CHD7: variants seen among roughly 807,000 people sequenced by gnomAD.
CHD7 encodes the protein chromodomain helicase DNA binding protein 7.
Under a neutral mutation model 307.3 loss-of-function variants are expected in CHD7, and 24 were observed. The ratio of observed to expected loss-of-function variants is 0.08; its 90% CI spans 0.06 to 0.11. CHD7 has a LOEUF of 0.11. CHD7 is among the 10% of genes least tolerant of loss of function. The pLI is 1.00. For synonymous variants in CHD7, 1,363 were observed against 1,349.9 expected (o/e 1.01, Z -0.21); for missense variants, 3,106 against 3,727.1 (o/e 0.83, Z 4.34).
chr8:60,714,409 C>A (rs1807464492), intron 1 of CHD7, among the ~76,000 whole-genome samples: 1 of 3,354 alleles, frequency 3.0e-4, no homozygotes, highest in African/African-American at 7.2e-4. Context: ...GGAGAAGGCC[C>A]CCCCCCCCCC....
Position 60,815,947 on chromosome 8 carries a change from A to T in CHD7, c.2499-440A>T, listed in dbSNP as rs556442961. ...TTTAAATTTGAATTATTTTAACTTG[A>T]TAAAAACCTATTTCTCAATGATAAG... On this transcript the variant is annotated intron_variant, in intron 7 of 37. Transcript: ENST00000423902. Among the ~76,000 whole-genome samples the T allele has an allele frequency of 2.6e-5, 4 of 152,332 alleles. No homozygotes were observed. The South Asian group carries it at 8.3e-4, about 32-fold the overall frequency.
chr8:60,866,050 C>CAA lies in CHD7; in HGVS notation c.*126_*127dup. 1.6e-5 allele frequency: 13 copies of CAA among 822,860 alleles called. No homozygotes were observed. Among genetic ancestry groups the CAA allele is most frequent in the Admixed American group, 6.1e-5 (2 of 32,682 alleles). 51.0% of individuals were successfully genotyped at this position (822,860 alleles called of 1,614,324 possible). A position where few individuals can be genotyped will look rare whatever the true frequency, so the allele number is the denominator to read the frequency against. The stretch of plus-strand genomic sequence containing the variant: ...TAAGCTGTTCTGTAACATAGTGTAG[C>CAA]AAAAAAAAAAGTTCAAGTCATGTTA... On this transcript the variant is annotated 3_prime_UTR_variant, in exon 38 of 38. Coordinates refer to ENST00000423902, the MANE Select transcript of CHD7 (RefSeq NM_017780.4).
chr8:60,738,119 A>G (rs1808798986), intron 1 of CHD7, among the ~76,000 whole-genome samples: 1 of 152,162 alleles, frequency 6.6e-6, no homozygotes, highest in Non-Finnish European at 1.5e-5. Flanking sequence ...TCTTCTTTTT[A>G]AATACTTTAT....
rs112949179 is a variant in CHD7, at chr8:60,836,751, TA to T, written c.3990-59del. 6.0e-3 allele frequency: 7,110 copies of T among 1,176,196 alleles called. 74 individuals carry two copies. Among genetic ancestry groups the T allele is most frequent in the South Asian group, 0.028 (1,982 of 70,138 alleles). The allele number at this position is 1,176,196 out of a possible 1,614,324, so 72.9% of individuals were successfully genotyped here. A position where few individuals can be genotyped will look rare whatever the true frequency, so the allele number is the denominator to read the frequency against. ...ATTCCATATTGTAATAATTAAAAATTAAAAAAAGGAGCAAGTATGTTGTCGC... is the reference window on the plus strand; with the variant it reads ...ATTCCATATTGTAATAATTAAAAATTAAAAAAGGAGCAAGTATGTTGTCGC... On this transcript the variant is annotated intron_variant, in intron 16 of 37. Coordinates refer to ENST00000423902, the MANE Select transcript of CHD7 (RefSeq NM_017780.4).
intron 2 of CHD7, among the ~76,000 whole-genome samples, chr8:60,755,967 A>G (rs759391915): frequency 1.3e-5 from 2 of 152,212 alleles, no homozygotes; most frequent in Non-Finnish European, 2.9e-5. Context: ...AAAATGTTCT[A>G]TATTTGCTCA....
rs1804767506 is a variant in CHD7 at position 60,836,875 on chromosome 8, G to A, written c.4048G>A (p.Asp1350Asn). The A allele has an allele frequency of 1.9e-6, 3 of 1,613,826 alleles. No individual in the cohort carries two copies. The highest frequency in any genetic ancestry group is 1.3e-5 in the African/African-American group (1 of 75,006). Reference sequence around the variant, plus strand: ...AGGCAACCTCCGCCAGGCAGCTATCGACAGATTCTCCAAACCTGATTCTGA... The same window carrying A: ...AGGCAACCTCCGCCAGGCAGCTATCAACAGATTCTCCAAACCTGATTCTGA... ...VRGNLRQAAI[D>N]RFSKPDSDRF... Residue 1350 changes from aspartate to asparagine, a missense_variant, in exon 17 of 38, where the codon GAC becomes AAC. Coordinates refer to ENST00000423902, the MANE Select transcript of CHD7 (RefSeq NM_017780.4).
intron 1 of CHD7, among the ~76,000 whole-genome samples, chr8:60,725,394 A>G (rs1808116156): frequency 6.6e-6 from 1 of 152,246 alleles, no homozygotes; most frequent in South Asian, 2.1e-4. Context: ...AAAGTGTACC[A>G]TCAAGACAGA....
intron 25 of CHD7, among the ~76,000 whole-genome samples, 200 bp from the exon 26 acceptor site, chr8:60,850,293 G>T (rs1254996625): frequency 6.6e-6 from 1 of 152,226 alleles, no homozygotes; most frequent in African/African-American, 2.4e-5. Flanking sequence ...TATCCCTGAA[G>T]TGTAACTTGG....
intron 1 of CHD7, among the ~76,000 whole-genome samples, chr8:60,696,477 A>T (rs1806475004): frequency 1.3e-5 from 2 of 152,200 alleles, no homozygotes; most frequent in African/African-American, 4.8e-5. Context: ...CAGTTTCTTC[A>T]GCTGTGACAT....
intron 2 of CHD7, among the ~76,000 whole-genome samples, chr8:60,768,142 A>T (rs1251259604): frequency 1.3e-5 from 2 of 152,128 alleles, no homozygotes; most frequent in Non-Finnish European, 2.9e-5. Flanking sequence ...CTCCCCTCTG[A>T]AATCATTTTT....
At chr8:60,683,682 C>A (rs1805741462) in intron 1 of CHD7, among the ~76,000 whole-genome samples, 1 of 152,144 alleles carries the variant, frequency 6.6e-6, no homozygotes, top group African/African-American at 2.4e-5. Flanking sequence ...TCTGACTGGC[C>A]ACCCACTGTT....
intron 29 of CHD7, 95 bp from the exon 30 acceptor site, chr8:60,852,403 A>G (rs1805495859): frequency 6.0e-6 from 8 of 1,334,688 alleles, no homozygotes; most frequent in Non-Finnish European, 8.2e-6. Flanking sequence ...CCAAATAACT[A>G]CCATGTATAA....
At chr8:60,740,829 G>T (rs1466415515) in intron 1 of CHD7, among the ~76,000 whole-genome samples, 1 of 152,206 alleles carries the variant, frequency 6.6e-6, no homozygotes, top group Non-Finnish European at 1.5e-5. Flanking sequence ...CCGCTCAGGG[G>T]AATAAGGTTA....
chr8:60,693,128 CT>C (rs1210901647), intron 1 of CHD7, among the ~76,000 whole-genome samples: 1 of 152,218 alleles, frequency 6.6e-6, no homozygotes, highest in Non-Finnish European at 1.5e-5. Context: ...CCAGACTCCA[CT>C]TCCTGTGTCC....
intron 2 of CHD7, among the ~76,000 whole-genome samples, chr8:60,780,565 A>G (rs1313105417): frequency 1.3e-5 from 2 of 152,250 alleles, no homozygotes; most frequent in African/African-American, 2.4e-5. Flanking sequence ...TGTTCAGTAT[A>G]CTTGCTCATT....
At chr8:60,704,700 T>G (rs1414210388) in intron 1 of CHD7, among the ~76,000 whole-genome samples, 1 of 151,746 alleles carries the variant, frequency 6.6e-6, no homozygotes, top group African/African-American at 2.4e-5. Context: ...TAAAAAAGAT[T>G]TGATGATGAG....
chr8:60,803,791 T>C (rs1342836555), intron 6 of CHD7, among the ~76,000 whole-genome samples: 1 of 152,230 alleles, frequency 6.6e-6, no homozygotes, highest in East Asian at 1.9e-4. Context: ...TTTAATAACA[T>C]TGGAAGAAAG....
chr8:60,795,452 C>A (rs1031735297), intron 4 of CHD7, among the ~76,000 whole-genome samples: 3 of 152,110 alleles, frequency 2.0e-5, no homozygotes, highest in South Asian at 4.1e-4. Flanking sequence ...TATAAAGCTT[C>A]ATTCACATTT....
intron 32 of CHD7, among the ~76,000 whole-genome samples, chr8:60,854,774 A>T (rs1352674475): frequency 6.6e-6 from 1 of 152,246 alleles, no homozygotes; most frequent in Non-Finnish European, 1.5e-5. Flanking sequence ...GTGTATATGG[A>T]TTGATCTTTG....
Sources: allele counts gnomAD v4.1 joint callset (sites outside exome capture counted in the v4.1 genomes callset), GRCh38; gene constraint gnomAD v4.1.1; transcripts MANE v1.5; gene names NCBI Gene and HGNC (gene_info 2026-07-23, HGNC 2026-07-21).